KANK3: variants seen among roughly 807,000 people sequenced by gnomAD.
The protein encoded by KANK3 is KN motif and ankyrin repeat domains 3.
In KANK3, 61 loss-of-function variants were observed where a neutral mutation model predicts 65.4. The ratio of observed to expected loss-of-function variants is 0.93; its 90% CI spans 0.76 to 1.15. The LOEUF (loss-of-function observed/expected upper bound fraction) is 1.15, where lower values mean the gene tolerates loss of function less well. Ranked by LOEUF, KANK3 falls within the 50% of genes most tolerant of loss-of-function variation. The pLI, the probability that KANK3 is intolerant of heterozygous loss-of-function variation, is 0.00. For missense variants in KANK3, 1,187 were observed against 1,178.8 expected, an observed-to-expected ratio of 1.01 and a Z score of -0.10; for synonymous variants, 586 against 543.3, an observed-to-expected ratio of 1.08 and a Z score of -1.09.
rs767339374 is a variant in KANK3, at chr19:8,322,871, C to T, written c.2434G>A (p.Gly812Ser). 6.3e-7 allele frequency: 1 copy of T among 1,590,032 alleles called. No individual in the cohort carries two copies. ...QTATPGEGEC[G>S]DNGENPQVQ ...ACCTGGGGGTTCTCTCCATTGTCAC[C>T]GCATTCTCCTTCACCAGGTGTGGCT... Residue 812 changes from glycine to serine, a missense_variant, in exon 11 of 11, where the codon GGT (glycine) becomes AGT (serine). Physicochemically the swap from Gly to Ser is moderately conservative, Grantham distance 56 (BLOSUM62 0). Transcript: ENST00000330915.
At chr19:8,331,313 G>T (rs1487698227) in intron 7 of KANK3, among the ~76,000 whole-genome samples, 1 of 152,156 alleles carries the variant, frequency 6.6e-6, no homozygotes, top group Admixed American at 6.6e-5. Flanking sequence ...CGCAGCCCCA[G>T]CCCCCTTTAA....
intron 1 of KANK3, among the ~76,000 whole-genome samples, chr19:8,342,039 G>A (rs549031112): frequency 6.6e-6 from 1 of 152,152 alleles, no homozygotes; most frequent in Admixed American, 6.5e-5. Flanking sequence ...TGTCACCCAG[G>A]CTGGAGTGCA....
intron 2 of KANK3, among the ~76,000 whole-genome samples, chr19:8,337,587 C>CT (rs1481698202): frequency 6.6e-6 from 1 of 151,992 alleles, no homozygotes; most frequent in Non-Finnish European, 1.5e-5. Context: ...CTCAAGTGAT[C>CT]CGCCCACCGT....
intron 7 of KANK3, among the ~76,000 whole-genome samples, chr19:8,330,798 G>A (rs1420810600): frequency 6.6e-6 from 1 of 152,124 alleles, no homozygotes; most frequent in Non-Finnish European, 1.5e-5. Flanking sequence ...CAGCTACTCA[G>A]GAGGCTGAGA....
Position 8,333,630 on chromosome 19 carries a change from A to G in KANK3, c.1719+94T>C. ...GGGTCAGGCGAGGTGCCTGGCGGGA[A>G]GGGATGGAACCCGGTGTGCTCCCCT... On this transcript the variant is annotated intron_variant, in intron 6 of 10. Transcript: ENST00000330915. The surrounding 1 kb of genome is among the most constrained non-coding windows in gnomAD (Gnocchi z 5.0). 9.9e-7 allele frequency: 1 copy of G among 1,010,700 alleles called. No homozygotes were observed. Among genetic ancestry groups the G allele is most frequent in the South Asian group, 1.9e-5 (1 of 52,882 alleles). 62.6% of individuals were successfully genotyped at this position (1,010,700 alleles called of 1,614,324 possible). A position where few individuals can be genotyped will look rare whatever the true frequency, so the allele number is the denominator to read the frequency against.
At position 8,322,934 on chromosome 19, in the gene KANK3, G is replaced by A. The variant is rs1373219239; in HGVS notation, c.2383-12C>T. 1 of 1,401,970 alleles carries A rather than the reference G, an allele frequency of 7.1e-7. No homozygotes were observed. The highest frequency in any genetic ancestry group is 9.6e-7 in the Non-Finnish European group (1 of 1,040,314). The allele number at this position is 1,401,970 out of a possible 1,614,324, so 86.8% of individuals were successfully genotyped here. ...GGGGGTGACTCGCTCTGGAGAGAGG[G>A]GAAAAGAGGGGGGCCTGCTGCAATC... On this transcript the variant is annotated splice_polypyrimidine_tract_variant and intron_variant, in intron 10 of 10. Coordinates refer to ENST00000330915, the MANE Select transcript of KANK3 (RefSeq NM_198471.3).
rs1970623688 is a variant in KANK3 at position 8,335,624 on chromosome 19, G to C, written c.203C>G (p.Pro68Arg). The change falls in exon 3 of 11, where the codon CCG becomes CGG. Residue 68 changes from proline (P) to arginine (R), a missense_variant. Pro to Arg is a moderately radical substitution (Grantham distance 103). Around this residue, in one of 3 missense-constraint regions of KANK3, gnomAD observed 104 missense variants for 122.1 expected, o/e 0.85. Transcript: ENST00000330915. Reference protein sequence around the residue: ...GPAARRAPGPPTSRRPRAPRP... With the variant: ...GPAARRAPGPRTSRRPRAPRP... ...GGGCGCGCGGGGACGGCGCGAGGTCGGGGGTCCCGGGGCGCGGCGGGCAGC... is the reference window on the plus strand; with the variant it reads ...GGGCGCGCGGGGACGGCGCGAGGTCCGGGGTCCCGGGGCGCGGCGGGCAGC... The C allele has an allele frequency of 1.6e-6, 2 of 1,241,326 alleles. No individual in the cohort carries two copies. The highest frequency in any genetic ancestry group is 3.1e-5 in the African/African-American group (2 of 64,116). The allele number at this position is 1,241,326 out of a possible 1,614,324, so 76.9% of individuals were successfully genotyped here.
rs1308789491 is a variant in KANK3, at chr19:8,333,074, C to T, written c.1876G>A (p.Ala626Thr). The change falls in exon 7 of 11, where the codon GCC becomes ACC. Residue 626 changes from alanine (A) to threonine (T), a missense_variant. Physicochemically the swap from Ala to Thr is moderately conservative, Grantham distance 58. Around this residue, in one of 3 missense-constraint regions of KANK3, gnomAD observed 1,078 missense variants for 1,038.2 expected, o/e 1.04. Coordinates refer to ENST00000330915, the MANE Select transcript of KANK3 (RefSeq NM_198471.3). The surrounding 1 kb of genome is among the most constrained non-coding windows in gnomAD (Gnocchi z 5.0). ...CCGTGGGACACACTGTAGTGCAGGG[C>T]CGTGTTCCCGTTGCCATCCGCCAGG... ...VNLADGNGNTALHYSVSHGNL... is the reference protein window; with the variant it reads ...VNLADGNGNTTLHYSVSHGNL... 2 of 1,488,772 alleles carry T rather than the reference C, an allele frequency of 1.3e-6. No homozygotes were observed. Among genetic ancestry groups the T allele is most frequent in the Non-Finnish European group, 1.8e-6 (2 of 1,104,782 alleles). 92.2% of individuals were successfully genotyped at this position (1,488,772 alleles called of 1,614,324 possible). A position where few individuals can be genotyped will look rare whatever the true frequency, so the allele number is the denominator to read the frequency against.
Position 8,335,519 on chromosome 19 carries a change from G to C in KANK3, c.308C>G (p.Pro103Arg). Residue 103 changes from proline to arginine, a missense_variant, in exon 3 of 11, where the codon CCG becomes CGG. Pro to Arg is a moderately radical substitution (Grantham distance 103). Transcript: ENST00000330915. ...GGGCGCGCCCTGGGAGAGTATGCCCGGTGCTCCACCGTCGTCACTGGCCAG... is the reference window on the plus strand; with the variant it reads ...GGGCGCGCCCTGGGAGAGTATGCCCCGTGCTCCACCGTCGTCACTGGCCAG... Reference protein sequence around the residue: ...ESLASDDGGAPGILSQGAPSG... With the variant: ...ESLASDDGGARGILSQGAPSG... 1 of 1,228,748 alleles carries C rather than the reference G, an allele frequency of 8.1e-7. No homozygotes were observed. The highest frequency in any genetic ancestry group is 1.0e-6 in the Non-Finnish European group (1 of 978,470). 76.1% of individuals were successfully genotyped at this position (1,228,748 alleles called of 1,614,324 possible).
At chr19:8,339,832 C>T (rs1970698872) in intron 1 of KANK3, among the ~76,000 whole-genome samples, 1 of 152,030 alleles carries the variant, frequency 6.6e-6, no homozygotes, top group Non-Finnish European at 1.5e-5. Flanking sequence ...GATGTGTTGG[C>T]ATGCACCTGT....
In KANK3 at chr19:8,324,757, C is replaced by CCACACGCCAGTAGGGTTGCCACCATG; in HGVS notation, c.2130_2155dup (p.Gly719AlafsTer13). On this transcript the variant is annotated frameshift_variant, in exon 9 of 11. Transcript: ENST00000330915. LOFTEE classifies it high-confidence loss of function. ...CGCATCCTGCGCATTCACATCAGCC[C>CCACACGCCAGTAGGGTTGCCACCATG]CACACGCCAGTAGGGTTGCCACCAT... 1 of 1,614,084 alleles carries CCACACGCCAGTAGGGTTGCCACCATG rather than the reference C, an allele frequency of 6.2e-7. No homozygotes were observed. The highest frequency in any genetic ancestry group is 8.5e-7 in the Non-Finnish European group (1 of 1,180,036).
In KANK3 at chr19:8,335,633, G is replaced by T. The variant is rs779471727; in HGVS notation, c.194C>A (p.Pro65Gln). The change falls in exon 3 of 11, where the codon CCG (proline) becomes CAG (glutamine). Residue 65 changes from proline (P) to glutamine (Q), a missense_variant. By Grantham distance (76) the Pro-to-Gln change is moderately conservative (BLOSUM62 -1). This residue lies in a region of KANK3 where 104 missense variants were observed against 122.1 expected (regional missense o/e 0.85). Transcript: ENST00000330915. ...GGGACGGCGCGAGGTCGGGGGTCCCGGGGCGCGGCGGGCAGCGGGGCCACG... is the reference window on the plus strand; with the variant it reads ...GGGACGGCGCGAGGTCGGGGGTCCCTGGGCGCGGCGGGCAGCGGGGCCACG... ...LERGPAARRA[P>Q]GPPTSRRPRA... 3.2e-5 allele frequency: 40 copies of T among 1,244,052 alleles called. No individual in the cohort carries two copies. Among genetic ancestry groups the T allele is most frequent in the Non-Finnish European group, 3.7e-5 (37 of 991,762 alleles). 77.1% of individuals were successfully genotyped at this position (1,244,052 alleles called of 1,614,324 possible). A position where few individuals can be genotyped will look rare whatever the true frequency, so the allele number is the denominator to read the frequency against.
chr19:8,328,667 T>C (rs1199519496), intron 7 of KANK3, among the ~76,000 whole-genome samples: 1 of 150,902 alleles, frequency 6.6e-6, no homozygotes, highest in African/African-American at 2.4e-5. Context: ...ATTACTGGAG[T>C]TGGGGAATGG....
At position 8,333,280 on chromosome 19, in the gene KANK3, C is replaced by T; in HGVS notation, c.1720-50G>A. The T allele has an allele frequency of 6.7e-7, 1 of 1,488,296 alleles. No homozygotes were observed. 92.2% of individuals were successfully genotyped at this position (1,488,296 alleles called of 1,614,324 possible). On this transcript the variant is annotated intron_variant, in intron 6 of 10. Coordinates refer to ENST00000330915, the MANE Select transcript of KANK3 (RefSeq NM_198471.3). This position sits in a 1 kb window ranked among gnomAD's most constrained non-coding sequence, Gnocchi z 5.0. Reference sequence around the variant, plus strand: ...ACATCGGCGATGGTCCACGGCGGCGCCGTGGTGGGGGAGCTGGGGAGGGGC... The same window carrying T: ...ACATCGGCGATGGTCCACGGCGGCGTCGTGGTGGGGGAGCTGGGGAGGGGC...
intron 8 of KANK3, 33 bp downstream of exon 8, chr19:8,324,918 T>G (rs1970396058): frequency 6.2e-7 from 1 of 1,608,232 alleles, no homozygotes; most frequent in South Asian, 1.1e-5. Flanking sequence ...AAGTGACTCC[T>G]GGCTGAGAGC....
intron 7 of KANK3, among the ~76,000 whole-genome samples, chr19:8,326,166 C>T (rs1315212317): frequency 2.0e-5 from 3 of 152,064 alleles, no homozygotes; most frequent in African/African-American, 7.2e-5. Flanking sequence ...GACACTGGCT[C>T]ACGTCTGTAA....
At chr19:8,336,953 C>T (rs78884291) in intron 2 of KANK3, among the ~76,000 whole-genome samples, 1,524 of 152,104 alleles carry the variant, frequency 0.01, 30 homozygotes, top group African/African-American at 0.036. Context: ...GGCCACACTT[C>T]CCTGGTTTGA....
chr19:8,325,983 C>T (rs1006089000), intron 7 of KANK3, among the ~76,000 whole-genome samples: 5 of 152,142 alleles, frequency 3.3e-5, no homozygotes, highest in African/African-American at 9.6e-5. Context: ...TGCACCACCA[C>T]GCCCAGCTAA....
At position 8,324,781 on chromosome 19, in the gene KANK3, A is replaced by G. The variant is rs1348906659; in HGVS notation, c.2132T>C (p.Met711Thr). ...MLAISHGRQD[M>T]VATLLACGAD... ...CCCACACGCCAGTAGGGTTGCCACCATGTCCTGTCGGCCATGGCTGATGGC... is the reference window on the plus strand; with the variant it reads ...CCCACACGCCAGTAGGGTTGCCACCGTGTCCTGTCGGCCATGGCTGATGGC... Residue 711 changes from methionine to threonine, a missense_variant, in exon 9 of 11, where the codon ATG becomes ACG. By Grantham distance (81) the Met-to-Thr change is moderately conservative. This residue lies in a region of KANK3 where 1,078 missense variants were observed against 1,038.2 expected (regional missense o/e 1.04). Coordinates refer to ENST00000330915, the MANE Select transcript of KANK3 (RefSeq NM_198471.3). 1.9e-6 allele frequency: 3 copies of G among 1,613,942 alleles called. No individual in the cohort carries two copies. The highest frequency in any genetic ancestry group is 1.3e-5 in the African/African-American group (1 of 75,058).
Sources: allele counts gnomAD v4.1 joint callset (sites outside exome capture counted in the v4.1 genomes callset), GRCh38; gene constraint gnomAD v4.1.1; regional missense constraint gnomAD v4.1.1; non-coding constraint Gnocchi (gnomAD v3.1); transcripts MANE v1.5; gene names NCBI Gene and HGNC (gene_info 2026-07-23, HGNC 2026-07-21).